SSH2: variants seen among roughly 807,000 people sequenced by gnomAD.
The protein encoded by SSH2 is slingshot protein phosphatase 2.
SSH2 carries 37 observed loss-of-function variants against 135.2 expected under a neutral mutation model. The observed-to-expected ratio is 0.27, with a 90% CI of 0.21 to 0.36. The LOEUF (loss-of-function observed/expected upper bound fraction) is 0.36. SSH2 is among the 10% of genes least tolerant of loss of function. The pLI is 1.00. For synonymous variants in SSH2, 628 were observed against 646.2 expected (o/e 0.97, Z 0.43); for missense variants, 1,408 against 1,765.3 (o/e 0.80, Z 3.63).
In SSH2 at chr17:29,751,625, C is replaced by T. The variant is rs188321266; in HGVS notation, c.188+42269G>A. ...AACACATGAGTAATACATTATGCTA[C>T]GACATTATGACAGCTATAGTCACTA... On this transcript the variant is annotated intron_variant, in intron 3 of 15. Transcript: ENST00000540801. 4.6e-5 allele frequency among the ~76,000 whole-genome samples: 7 copies of T among 152,198 alleles called. No individual in the cohort carries two copies. The East Asian group carries it at 5.8e-4, about 13-fold the overall frequency.
rs1251042363 is a variant in SSH2 at position 29,630,053 on chromosome 17, T to A, written c.*788A>T. The A allele has an allele frequency of 1.3e-5, 2 of 152,406 alleles. No homozygotes were observed. The highest frequency in any genetic ancestry group is 2.9e-5 in the Non-Finnish European group (2 of 68,046). The allele number at this position is 152,406 out of a possible 1,614,324, so 9.4% of individuals were successfully genotyped here. Reference sequence around the variant, plus strand: ...CTGGCAGGGAGAGCCAAGATGCCCATCTGTGTGGATCCCACCAACCCAGCA... The same window carrying A: ...CTGGCAGGGAGAGCCAAGATGCCCAACTGTGTGGATCCCACCAACCCAGCA... On this transcript the variant is annotated 3_prime_UTR_variant, in exon 16 of 16. Coordinates refer to ENST00000540801, the MANE Select transcript of SSH2 (RefSeq NM_001282129.2).
intron 2 of SSH2, among the ~76,000 whole-genome samples, chr17:29,806,234 T>G (rs932749642): frequency 1.3e-5 from 2 of 152,198 alleles, no homozygotes; most frequent in African/African-American, 2.4e-5. Flanking sequence ...ATTGTCTCAT[T>G]TGAACCACTC....
In SSH2 at chr17:29,817,641, C is replaced by T. The variant is rs114383272; in HGVS notation, c.145-23704G>A. 7.3e-3 allele frequency among the ~76,000 whole-genome samples: 1,110 copies of T among 152,290 alleles called. 20 individuals are homozygous for T. The highest frequency in any genetic ancestry group is 0.025 in the African/African-American group (1,055 of 41,552). On this transcript the variant is annotated intron_variant, in intron 2 of 15. Transcript: ENST00000540801. ...TAATACAGAGTCATCCCTCCATATC[C>T]ATGAGGGATTGTTTCCAGGACCCTC...
intron 3 of SSH2, chr17:29,780,516 C>G (rs2041816843): frequency 1.3e-5 from 2 of 151,560 alleles, no homozygotes; most frequent in Admixed American, 1.3e-4. Flanking sequence ...CTTCCGCCTC[C>G]CGGGTTCAAG....
chr17:29,776,868 C>G (rs902215461), intron 3 of SSH2, among the ~76,000 whole-genome samples: 10 of 152,226 alleles, frequency 6.6e-5, no homozygotes, highest in African/African-American at 2.2e-4. Context: ...CTGAAAGCAG[C>G]CTTTTAATTC....
intron 2 of SSH2, among the ~76,000 whole-genome samples, chr17:29,838,629 G>C (rs893999725): frequency 6.6e-6 from 1 of 152,142 alleles, no homozygotes; most frequent in Non-Finnish European, 1.5e-5. Flanking sequence ...TCTGCCTGTA[G>C]AGAGGAGTTA....
intron 1 of SSH2, among the ~76,000 whole-genome samples, chr17:29,885,764 T>TA: frequency 1.3e-5 from 2 of 152,232 alleles, no homozygotes; most frequent in East Asian, 3.9e-4. Context: ...GCTGTTCTGG[T>TA]GATAGCAAGT....
intron 14 of SSH2, among the ~76,000 whole-genome samples, chr17:29,646,958 G>C (rs2036393792): frequency 6.6e-6 from 1 of 151,878 alleles, no homozygotes. Context: ...CAAATTAGCA[G>C]ATGGTACTTA....
At chr17:29,705,824 T>C (rs192688550) in intron 3 of SSH2, among the ~76,000 whole-genome samples, 3 of 152,356 alleles carry the variant, frequency 2.0e-5, no homozygotes, top group Admixed American at 1.3e-4. Flanking sequence ...TCAGCTTACA[T>C]ATCACTGCTC....
chr17:29,783,010 C>T (rs960592994), intron 3 of SSH2, among the ~76,000 whole-genome samples: 11 of 152,068 alleles, frequency 7.2e-5, no homozygotes, highest in African/African-American at 1.7e-4. Flanking sequence ...CATGAGCCAC[C>T]GCGCCTGGCC....
intron 14 of SSH2, 57 bp from the exon 15 acceptor site, chr17:29,636,859 C>G: frequency 8.1e-7 from 1 of 1,241,710 alleles, no homozygotes; most frequent in African/African-American, 1.5e-5. Context: ...TAATCAACAC[C>G]CTCCCAGGAA....
At chr17:29,658,606 C>T (rs1050594897) in intron 11 of SSH2, among the ~76,000 whole-genome samples, 1 of 152,064 alleles carries the variant, frequency 6.6e-6, no homozygotes. Flanking sequence ...CAGTGGCTCA[C>T]GTCTGTAATC....
intron 3 of SSH2, among the ~76,000 whole-genome samples, chr17:29,755,725 G>A (rs536028325): frequency 1.5e-4 from 23 of 149,884 alleles, no homozygotes; most frequent in African/African-American, 5.1e-4. Context: ...GCAGTGGCAC[G>A]ATTTCGGCTA....
chr17:29,836,304 C>T (rs1049367657), intron 2 of SSH2, among the ~76,000 whole-genome samples: 1 of 152,092 alleles, frequency 6.6e-6, no homozygotes, highest in Non-Finnish European at 1.5e-5. Context: ...ATCTTATCAT[C>T]GTTTTTCCAT....
chr17:29,867,819 A>C (rs2065878479), intron 1 of SSH2, among the ~76,000 whole-genome samples: 1 of 152,330 alleles, frequency 6.6e-6, no homozygotes, highest in Admixed American at 6.5e-5. Context: ...TTTAATAAAT[A>C]AGAGAACTGA....
chr17:29,671,347 G>C (rs1182757092), intron 9 of SSH2, among the ~76,000 whole-genome samples: 1 of 152,048 alleles, frequency 6.6e-6, no homozygotes, highest in Non-Finnish European at 1.5e-5. Flanking sequence ...GCCAGGTGTG[G>C]TGGCACATGC....
intron 1 of SSH2, among the ~76,000 whole-genome samples, chr17:29,856,662 A>G (rs965996241): frequency 2.0e-5 from 3 of 152,184 alleles, no homozygotes; most frequent in South Asian, 2.1e-4. Context: ...AGAAGGTGTC[A>G]AAGAGTATTT....
intron 1 of SSH2, among the ~76,000 whole-genome samples, chr17:29,886,048 G>A (rs931539953): frequency 1.3e-5 from 2 of 152,202 alleles, no homozygotes; most frequent in Admixed American, 1.3e-4. Flanking sequence ...AAATGTGGAA[G>A]CAACTTTGGA....
At chr17:29,845,707 G>A (rs1381985722) in intron 2 of SSH2, among the ~76,000 whole-genome samples, 1 of 151,716 alleles carries the variant, frequency 6.6e-6, no homozygotes, top group African/African-American at 2.4e-5. Context: ...CTACAAGTAT[G>A]TGCCACCATG....
Sources: allele counts gnomAD v4.1 joint callset (sites outside exome capture counted in the v4.1 genomes callset), GRCh38; gene constraint gnomAD v4.1.1; transcripts MANE v1.5; gene names NCBI Gene and HGNC (gene_info 2026-07-23, HGNC 2026-07-21).